The following NDRG4 variants were observed in gnomAD, a reference collection of about 807,000 sequenced individuals.
The protein encoded by NDRG4 is NDRG family member 4.
Under a neutral mutation model 55.8 loss-of-function variants are expected in NDRG4, and 38 were observed. The ratio of observed to expected loss-of-function variants is 0.68; its 90% confidence interval spans 0.53 to 0.89. The LOEUF (loss-of-function observed/expected upper bound fraction) is 0.89. Ranked by LOEUF, NDRG4 falls within the 40% of genes least tolerant of loss-of-function variation. The pLI is 0.00. For synonymous variants in NDRG4, 190 were observed against 182.7 expected (o/e 1.04, Z -0.32); for missense variants, 455 against 468.6 (o/e 0.97, Z 0.27).
downstream of NDRG4, among the ~76,000 whole-genome samples, chr16:58,514,500 G>C (rs2039056779): frequency 6.6e-6 from 1 of 152,142 alleles, no homozygotes; most frequent in African/African-American, 2.4e-5. Flanking sequence ...ACTCTGGGAG[G>C]CCGAGGCGGG....
Position 58,511,987 on chromosome 16 carries a change from G to A in NDRG4, c.*411G>A. The A allele has an allele frequency of 4.3e-6, 2 of 461,248 alleles. No homozygotes were observed. Among genetic ancestry groups the A allele is most frequent in the Non-Finnish European group, 8.7e-6 (2 of 230,566 alleles). 28.6% of individuals were successfully genotyped at this position (461,248 alleles called of 1,614,324 possible). On this transcript the variant is annotated 3_prime_UTR_variant, in exon 15 of 15. Transcript: ENST00000570248. ...CGGGGCCAGCTCAGGCACTGGCGTGGGAGCCCTGGGAGACCCCTTCCCCCA... is the reference window on the plus strand; with the variant it reads ...CGGGGCCAGCTCAGGCACTGGCGTGAGAGCCCTGGGAGACCCCTTCCCCCA...
chr16:58,494,961 T>C (rs770116183), intron 2 of NDRG4: 9 of 1,613,384 alleles, frequency 5.6e-6, no homozygotes, highest in Non-Finnish European at 7.6e-6. Flanking sequence ...TGCCTTCCCC[T>C]AGGAGAGCTC....
chr16:58,474,386 G>A lies in NDRG4; in HGVS notation c.-24+10589G>A, dbSNP rs143965797. 1.3e-3 allele frequency among the ~76,000 whole-genome samples: 202 copies of A among 152,214 alleles called. 6 individuals are homozygous for A. In the East Asian group the frequency reaches 0.02, roughly 15 times the overall value. ...TCCTTTCGTTTGCTCAAACATGCAG[G>A]CGCCTGCCTCCTGGCCTTTGCGCTT... On this transcript the variant is annotated intron_variant, in intron 1 of 15. Transcript: ENST00000258187.
At chr16:58,506,516 G>C in intron 6 of NDRG4, 42 bp from the exon 7 acceptor site, 1 of 1,600,842 alleles carries the variant, frequency 6.2e-7, no homozygotes, top group Non-Finnish European at 8.5e-7. Flanking sequence ...ACCTAGGGTG[G>C]GGTGAGGGGC....
Position 58,512,532 on chromosome 16 carries a change from A to T in NDRG4, c.*956A>T. 4.7e-6 allele frequency: 1 copy of T among 214,810 alleles called. No individual in the cohort carries two copies. Among genetic ancestry groups the T allele is most frequent in the Non-Finnish European group, 9.5e-6 (1 of 105,698 alleles). The allele number at this position is 214,810 out of a possible 1,614,324, so 13.3% of individuals were successfully genotyped here. On this transcript the variant is annotated 3_prime_UTR_variant, in exon 15 of 15. Coordinates refer to ENST00000570248, the MANE Select transcript of NDRG4 (RefSeq NM_001242835.2). ...TGGTGTTTCAGGCAGAGCTCTGGCCAGGCTGTGCCAGTGTGTCCCGGACGC... is the reference window on the plus strand; with the variant it reads ...TGGTGTTTCAGGCAGAGCTCTGGCCTGGCTGTGCCAGTGTGTCCCGGACGC...
At chr16:58,506,145 T>TGTGG in intron 5 of NDRG4, 1 of 631,614 alleles carries the variant, frequency 1.6e-6, no homozygotes, top group Non-Finnish European at 2.9e-6. Context: ...TGTGTGTGTG[T>TGTGG]GTGTGTGTGT....
At chr16:58,500,663 G>T in intron 1 of NDRG4, 1 of 464,404 alleles carries the variant, frequency 2.2e-6, no homozygotes, top group Non-Finnish European at 3.8e-6. Context: ...GTCTGCCTTG[G>T]TGATGCCTGG....
chr16:58,493,263 GTTTT>G (rs1177533504), intron 2 of NDRG4, among the ~76,000 whole-genome samples: 3 of 152,118 alleles, frequency 2.0e-5, no homozygotes, highest in African/African-American at 7.2e-5. Context: ...TCCGTGGTTT[GTTTT>G]TGTTTGTTTG....
At chr16:58,499,675 G>C (rs1334824799), upstream of NDRG4, 1 of 157,686 alleles carries the variant, frequency 6.3e-6, no homozygotes, top group Non-Finnish European at 1.4e-5. Flanking sequence ...AAGATGTTGG[G>C]CTTGGGGCCC....
chr16:58,510,586 T>TC, intron 13 of NDRG4, 59 bp from the exon 14 acceptor site: 5 of 1,432,560 alleles, frequency 3.5e-6, no homozygotes, highest in Non-Finnish European at 4.8e-6. Context: ...GACCACGCTC[T>TC]TCACTGTGTT....
rs749980433 is a variant in NDRG4, at chr16:58,504,422, G to A, written c.311+1G>A. The A allele has an allele frequency of 1.9e-6, 3 of 1,612,238 alleles. No homozygotes were observed. The highest frequency in any genetic ancestry group is 1.1e-5 in the South Asian group (1 of 91,088). On this transcript the variant is annotated splice_donor_variant, in intron 4 of 14. Transcript: ENST00000570248. LOFTEE classifies it high-confidence loss of function. ...TCCCCAGCGTGGTGCAGCATTTCGGGTGAGTCCCCGCACAGCCCCTGCGCT... is the reference window on the plus strand; with the variant it reads ...TCCCCAGCGTGGTGCAGCATTTCGGATGAGTCCCCGCACAGCCCCTGCGCT...
intron 5 of NDRG4, among the ~76,000 whole-genome samples, chr16:58,504,971 G>A (rs887163717): frequency 2.0e-5 from 3 of 152,182 alleles, no homozygotes; most frequent in East Asian, 1.9e-4. Context: ...AATAAGGATC[G>A]TCCTTCACTA....
chr16:58,504,473 T>C, intron 4 of NDRG4, 52 bp downstream of exon 4: 1 of 1,611,498 alleles, frequency 6.2e-7, no homozygotes, highest in Non-Finnish European at 8.5e-7. Flanking sequence ...CTACCCCAAC[T>C]GCAGAGCCAC....
chr16:58,508,497 G>T (rs1462305081), intron 10 of NDRG4, among the ~76,000 whole-genome samples: 1 of 152,176 alleles, frequency 6.6e-6, no homozygotes, highest in Non-Finnish European at 1.5e-5. Context: ...CTGGGAAGCT[G>T]CAGGGTCCAG....
intron 1 of NDRG4, among the ~76,000 whole-genome samples, chr16:58,469,181 C>A (rs1186017533): frequency 2.6e-5 from 4 of 152,202 alleles, no homozygotes; most frequent in African/African-American, 4.8e-5. Flanking sequence ...CCACATTTTA[C>A]ATACGGAGGA....
chr16:58,498,178 A>G (rs1481579917), upstream of NDRG4, among the ~76,000 whole-genome samples: 1 of 152,014 alleles, frequency 6.6e-6, no homozygotes, highest in African/African-American at 2.4e-5. Flanking sequence ...CTTGGGGGAC[A>G]TGGGAGGGCA....
chr16:58,490,517 CTCTA>C (rs1423388143), intron 2 of NDRG4, among the ~76,000 whole-genome samples: 1 of 152,186 alleles, frequency 6.6e-6, no homozygotes, highest in Non-Finnish European at 1.5e-5. Context: ...CAGGTGGTGT[CTCTA>C]TCTACCCATC....
chr16:58,476,480 A>G (rs981358276), intron 1 of NDRG4, among the ~76,000 whole-genome samples: 9 of 152,054 alleles, frequency 5.9e-5, no homozygotes, highest in African/African-American at 2.2e-4. Context: ...TCACCTTCTT[A>G]CTTTATGAAA....
At position 58,509,427 on chromosome 16, in the gene NDRG4, T is replaced by G. The variant is rs42944; in HGVS notation, c.865+75T>G. 243,278 of 1,519,450 alleles carry G rather than the reference T, an allele frequency of 0.16. 21,361 individuals carry two copies. The highest frequency in any genetic ancestry group is 0.29 in the Admixed American group (17,275 of 58,660). 94.1% of individuals were successfully genotyped at this position (1,519,450 alleles called of 1,614,324 possible). A position where few individuals can be genotyped will look rare whatever the true frequency, so the allele number is the denominator to read the frequency against. On this transcript the variant is annotated intron_variant, in intron 13 of 14. Coordinates refer to ENST00000570248, the MANE Select transcript of NDRG4 (RefSeq NM_001242835.2). ...GCAGTGCTGGGGTTGGGGCTCCTGT[T>G]TGCAGGGCTGGCACGTGGTGTCAGG...
Sources: gnomAD v4.1 joint callset for allele counts (sites outside exome capture counted in the v4.1 genomes callset) on GRCh38, gnomAD v4.1.1 for gene constraint, MANE v1.5 for transcripts, NCBI Gene and HGNC (gene_info 2026-07-23, HGNC 2026-07-21) for gene names.